Variants in LUZP2 observed in about 807,000 individuals in gnomAD.
LUZP2 encodes leucine zipper protein 2.
LUZP2 carries 52 observed loss-of-function variants against 51.6 expected under a neutral mutation model. The observed-to-expected ratio is 1.01, with a 90% CI of 0.81 to 1.27. The LOEUF is 1.27. LUZP2 is among the 50% of genes most tolerant of loss of function. The pLI is 0.00. For missense variants in LUZP2, 436 were observed against 395.4 expected, an observed-to-expected ratio of 1.10 and a Z score of -0.87; for synonymous variants, 154 against 137.3, an observed-to-expected ratio of 1.12 and a Z score of -0.85.
chr11:24,679,190 A>G (rs975861196), intron 1 of LUZP2, among the ~76,000 whole-genome samples: 4 of 152,198 alleles, frequency 2.6e-5, no homozygotes, highest in African/African-American at 9.6e-5. Flanking sequence ...CAAATAGATA[A>G]GAGCTCATAT....
At chr11:25,043,180 A>G (rs939516627) in intron 9 of LUZP2, among the ~76,000 whole-genome samples, 4 of 152,000 alleles carry the variant, frequency 2.6e-5, no homozygotes, top group African/African-American at 9.7e-5. Context: ...TAAGCCACTC[A>G]CTCTGATTTT....
chr11:25,014,138 C>T (rs964034920), intron 9 of LUZP2, among the ~76,000 whole-genome samples: 1 of 152,158 alleles, frequency 6.6e-6, no homozygotes, highest in Non-Finnish European at 1.5e-5. Flanking sequence ...TTTTCTTAAT[C>T]CAGTCTATCA....
Position 24,911,944 on chromosome 11 carries a change from A to C in LUZP2, c.460-2532A>C, listed in dbSNP as rs557606313. 1.1e-4 allele frequency among the ~76,000 whole-genome samples: 16 copies of C among 152,306 alleles called. No individual in the cohort carries two copies. The South Asian group carries it at 3.3e-3, about 32-fold the overall frequency. On this transcript the variant is annotated intron_variant, in intron 6 of 11. Transcript: ENST00000336930. ...CTTATGCATCATGCATTTCACCTTC[A>C]GTATCCATATCAAAAGAAAGGTGAC...
chr11:24,591,703 T>A (rs1341471068), intron 1 of LUZP2, among the ~76,000 whole-genome samples: 3 of 152,102 alleles, frequency 2.0e-5, no homozygotes, highest in African/African-American at 7.2e-5. Flanking sequence ...AGAATTACTG[T>A]TTTGCCATCT....
At chr11:24,724,329 G>A (rs917623966) in intron 1 of LUZP2, among the ~76,000 whole-genome samples, 15 of 152,088 alleles carry the variant, frequency 9.9e-5, no homozygotes, top group Middle Eastern at 3.2e-3. Context: ...CAGCATTTTG[G>A]GAGGCTGAGG....
chr11:24,729,064 G>T, intron 1 of LUZP2, 105 bp from the exon 2 acceptor site: 4 of 527,030 alleles, frequency 7.6e-6, no homozygotes, highest in Non-Finnish European at 1.3e-5. Context: ...AGTAATTGAG[G>T]TTTTAACTTC....
chr11:24,561,495 C>G (rs780627643), intron 1 of LUZP2, among the ~76,000 whole-genome samples: 1 of 152,084 alleles, frequency 6.6e-6, no homozygotes, highest in Non-Finnish European at 1.5e-5. Flanking sequence ...TTAAGAATTA[C>G]GAGTTCATGT....
At chr11:24,690,764 G>C (rs1857039563) in intron 1 of LUZP2, among the ~76,000 whole-genome samples, 1 of 151,964 alleles carries the variant, frequency 6.6e-6, no homozygotes, top group African/African-American at 2.4e-5. Flanking sequence ...CAGCTTCTGG[G>C]GTTATGATTG....
chr11:24,536,285 C>A (rs1189618694), intron 1 of LUZP2, among the ~76,000 whole-genome samples: 1 of 151,780 alleles, frequency 6.6e-6, no homozygotes, highest in Non-Finnish European at 1.5e-5. Context: ...GAGAGTCAGC[C>A]AGCCTTTTGA....
chr11:24,904,915 G>A (rs1422990384), intron 5 of LUZP2, among the ~76,000 whole-genome samples: 1 of 152,128 alleles, frequency 6.6e-6, no homozygotes, highest in Admixed American at 6.5e-5. Flanking sequence ...TGAAGGGATG[G>A]AAAAAGATAT....
intron 1 of LUZP2, among the ~76,000 whole-genome samples, chr11:24,721,934 G>T (rs1858285658): frequency 6.6e-6 from 1 of 152,024 alleles, no homozygotes. Flanking sequence ...CTAACAAAAT[G>T]TTAAACAAAT....
chr11:24,740,112 G>T (rs1859079861), intron 4 of LUZP2, among the ~76,000 whole-genome samples: 1 of 152,104 alleles, frequency 6.6e-6, no homozygotes, highest in Non-Finnish European at 1.5e-5. Context: ...GAGCAGAATA[G>T]AAGTGCTCAC....
intron 1 of LUZP2, among the ~76,000 whole-genome samples, chr11:24,515,060 A>T (rs1850422012): frequency 1.3e-5 from 2 of 152,226 alleles, no homozygotes; most frequent in Non-Finnish European, 1.5e-5. Context: ...GGACGCTAGA[A>T]GGTCTATTAT....
chr11:24,758,156 A>C (rs1021718462), intron 4 of LUZP2, among the ~76,000 whole-genome samples: 10 of 152,140 alleles, frequency 6.6e-5, no homozygotes, highest in African/African-American at 2.4e-4. Flanking sequence ...TTCTGAATAA[A>C]CAAATCTAAG....
intron 9 of LUZP2, among the ~76,000 whole-genome samples, chr11:24,997,734 A>C (rs538591957): frequency 6.6e-6 from 1 of 152,162 alleles, no homozygotes; most frequent in African/African-American, 2.4e-5. Flanking sequence ...GTTTTCTTCT[A>C]GGGTTTTTAT....
At chr11:24,553,435 A>G (rs1851776372) in intron 1 of LUZP2, among the ~76,000 whole-genome samples, 1 of 152,094 alleles carries the variant, frequency 6.6e-6, no homozygotes, top group Admixed American at 6.6e-5. Flanking sequence ...AAAAGGCTAA[A>G]GCAATTATGA....
intron 5 of LUZP2, among the ~76,000 whole-genome samples, chr11:24,875,771 C>T (rs1852237695): frequency 6.6e-6 from 1 of 152,170 alleles, no homozygotes; most frequent in Admixed American, 6.5e-5. Context: ...CCTGTTGTTT[C>T]CTGACTTTCT....
chr11:25,056,363 G>A (rs147890800), intron 10 of LUZP2, among the ~76,000 whole-genome samples: 2,200 of 152,244 alleles, frequency 0.014, 36 homozygotes, highest in Middle Eastern at 0.037. Flanking sequence ...GACTGATCAT[G>A]TTAGCATCTC....
intron 1 of LUZP2, among the ~76,000 whole-genome samples, chr11:24,521,284 G>A (rs1382811161): frequency 2.8e-5 from 4 of 141,080 alleles, no homozygotes; most frequent in African/African-American, 1.1e-4. Context: ...CTGGAAGGTG[G>A]AGATTACAGT....
Sources: allele counts gnomAD v4.1 joint callset (sites outside exome capture counted in the v4.1 genomes callset), GRCh38; gene constraint gnomAD v4.1.1; transcripts MANE v1.5; gene names NCBI Gene and HGNC (gene_info 2026-07-23, HGNC 2026-07-21).